SERGEF: variants seen among roughly 807,000 people sequenced by gnomAD.
SERGEF encodes the protein secretion regulating guanine nucleotide exchange factor.
SERGEF carries 51 observed loss-of-function variants against 50.0 expected under a neutral mutation model. That is an observed-to-expected ratio of 1.02 (90% confidence interval 0.81 to 1.29). The LOEUF (loss-of-function observed/expected upper bound fraction) is 1.29. Ranked by LOEUF, SERGEF falls within the 50% of genes most tolerant of loss-of-function variation. The pLI, the probability that SERGEF is intolerant of heterozygous loss-of-function variation, is 0.00. For missense variants in SERGEF, 521 were observed against 557.0 expected, an observed-to-expected ratio of 0.94 and a Z score of 0.65; for synonymous variants, 205 against 212.4, an observed-to-expected ratio of 0.97 and a Z score of 0.30.
At chr11:17,902,713 T>G (rs919587314) in intron 9 of SERGEF, among the ~76,000 whole-genome samples, 1 of 152,158 alleles carries the variant, frequency 6.6e-6, no homozygotes, top group African/African-American at 2.4e-5. Context: ...AGAAGCCACT[T>G]CAGAGACAAA....
intron 8 of SERGEF, among the ~76,000 whole-genome samples, chr11:17,978,695 T>C (rs1003204540): frequency 1.3e-5 from 2 of 152,178 alleles, no homozygotes; most frequent in Non-Finnish European, 2.9e-5. Context: ...TATCAGCTAT[T>C]AACTCAGGGT....
chr11:17,862,899 G>C (rs1565188663), intron 10 of SERGEF, among the ~76,000 whole-genome samples: 1 of 152,216 alleles, frequency 6.6e-6, no homozygotes, highest in Non-Finnish European at 1.5e-5. Flanking sequence ...ATGGGGGCTG[G>C]TCTCTGCCCC....
chr11:17,916,993 C>T (rs1056402903), intron 9 of SERGEF, among the ~76,000 whole-genome samples: 1 of 152,216 alleles, frequency 6.6e-6, no homozygotes, highest in South Asian at 2.1e-4. Flanking sequence ...ACAGCCACTA[C>T]AGGAAACAGT....
chr11:17,937,397 C>T (rs952648192), intron 9 of SERGEF, among the ~76,000 whole-genome samples: 7 of 151,862 alleles, frequency 4.6e-5, no homozygotes, highest in East Asian at 1.9e-4. Context: ...AACAGCCAGG[C>T]GTGGTGGTGC....
chr11:17,894,473 C>T (rs1851586061), intron 9 of SERGEF, among the ~76,000 whole-genome samples: 1 of 152,180 alleles, frequency 6.6e-6, no homozygotes, highest in South Asian at 2.1e-4. Flanking sequence ...GCTTCCTCCT[C>T]TGGGTCCTGC....
chr11:17,970,160 C>A (rs1314548723), intron 8 of SERGEF, among the ~76,000 whole-genome samples: 1 of 152,216 alleles, frequency 6.6e-6, no homozygotes, highest in Non-Finnish European at 1.5e-5. Context: ...TTTGTGGCAA[C>A]CCTGAGTCCA....
intron 10 of SERGEF, among the ~76,000 whole-genome samples, chr11:17,814,972 G>A (rs1226294804): frequency 6.6e-6 from 1 of 152,072 alleles, no homozygotes; most frequent in Non-Finnish European, 1.5e-5. Flanking sequence ...CTTGAGCCCA[G>A]GAGTTTGAGA....
chr11:17,804,507 A>G (rs1849723703), intron 10 of SERGEF, among the ~76,000 whole-genome samples: 1 of 152,166 alleles, frequency 6.6e-6, no homozygotes, highest in South Asian at 2.1e-4. Context: ...TTTATTCACA[A>G]ATATTTGTTA....
At chr11:17,804,165 G>A (rs1158872878) in intron 10 of SERGEF, among the ~76,000 whole-genome samples, 1 of 152,180 alleles carries the variant, frequency 6.6e-6, no homozygotes, top group African/African-American at 2.4e-5. Context: ...CATCTGTGCT[G>A]GTAAACAATC....
At chr11:17,801,194 C>CAAAA (rs145154751) in intron 10 of SERGEF, among the ~76,000 whole-genome samples, 4 of 131,996 alleles carry the variant, frequency 3.0e-5, no homozygotes, top group Non-Finnish European at 6.3e-5. Flanking sequence ...GACTCCGTCT[C>CAAAA]AAAAAAAAAA....
intron 10 of SERGEF, among the ~76,000 whole-genome samples, chr11:17,813,309 T>C (rs542131097): frequency 3.3e-5 from 5 of 152,284 alleles, no homozygotes; most frequent in African/African-American, 1.2e-4. Context: ...CAGAATCTTA[T>C]AAAAAGGTAG....
At chr11:17,795,623 C>T (rs933131443) in intron 10 of SERGEF, among the ~76,000 whole-genome samples, 2 of 152,226 alleles carry the variant, frequency 1.3e-5, no homozygotes, top group Non-Finnish European at 2.9e-5. Flanking sequence ...TCCAGCCCCA[C>T]AGGCTTGCTG....
At chr11:17,835,584 T>C (rs1277556654) in intron 10 of SERGEF, among the ~76,000 whole-genome samples, 2 of 152,228 alleles carry the variant, frequency 1.3e-5, no homozygotes, top group African/African-American at 2.4e-5. Context: ...CTGTATCTTA[T>C]TCATTTTCCT....
At chr11:17,976,217 T>A (rs1853369680) in intron 8 of SERGEF, among the ~76,000 whole-genome samples, 1 of 152,162 alleles carries the variant, frequency 6.6e-6, no homozygotes, top group African/African-American at 2.4e-5. Context: ...ATTCCTCCAA[T>A]ATTCCTCAGA....
In SERGEF at chr11:17,888,860, T is replaced by G. The variant is rs1363785127; in HGVS notation, c.1012-10616A>C. Among the ~76,000 whole-genome samples, 1 of 152,170 alleles carries G rather than the reference T, an allele frequency of 6.6e-6. No individual in the cohort carries two copies. Among genetic ancestry groups the G allele is most frequent in the Non-Finnish European group, 1.5e-5 (1 of 68,026 alleles). On this transcript the variant is annotated intron_variant, in intron 9 of 10. Transcript: ENST00000265965. The surrounding 1 kb of genome is among the most constrained non-coding windows in gnomAD (Gnocchi z 4.1). ...AAGAACAGTTTGAGCCTGGAACATG[T>G]ATTTGTACCACGAAGTAAGAAAGTG... is the stretch of plus-strand genomic sequence containing the variant.
intron 9 of SERGEF, among the ~76,000 whole-genome samples, chr11:17,915,446 A>C (rs1852031831): frequency 6.6e-6 from 1 of 152,200 alleles, no homozygotes; most frequent in Non-Finnish European, 1.5e-5. Context: ...TCACAGAAGA[A>C]ATCAAAGGGA....
chr11:17,996,481 C>T (rs993588301), intron 5 of SERGEF, among the ~76,000 whole-genome samples: 3 of 152,186 alleles, frequency 2.0e-5, no homozygotes, highest in Non-Finnish European at 4.4e-5. Context: ...TGCAAGATAG[C>T]TTCTTAATAG....
intron 10 of SERGEF, among the ~76,000 whole-genome samples, chr11:17,811,048 A>G (rs866030768): frequency 2.6e-5 from 4 of 152,168 alleles, no homozygotes; most frequent in African/African-American, 4.8e-5. Flanking sequence ...CAGCCTAGGG[A>G]CACTGGTAAT....
rs144684263 is a variant in SERGEF, at chr11:17,903,788, C to G, written c.1012-25544G>C. On this transcript the variant is annotated intron_variant, in intron 9 of 10. Coordinates refer to ENST00000265965, the MANE Select transcript of SERGEF (RefSeq NM_012139.4). ...AATATGGAAGGAAGGAAGAGGCACA[C>G]TGAAGCTGCCTGAGCTTTCTAACCA... Among the ~76,000 whole-genome samples the G allele has an allele frequency of 3.3e-3, 503 of 152,350 alleles. 1 individual carries two copies. Among genetic ancestry groups the G allele is most frequent in the African/African-American group, 0.011 (464 of 41,582 alleles).
Sources: gnomAD v4.1 joint callset for allele counts (sites outside exome capture counted in the v4.1 genomes callset) on GRCh38, gnomAD v4.1.1 for gene constraint, Gnocchi (gnomAD v3.1) non-coding constraint, MANE v1.5 for transcripts, NCBI Gene and HGNC (gene_info 2026-07-23, HGNC 2026-07-21) for gene names.